The following SVOPL variants were observed in gnomAD, a reference collection of about 807,000 sequenced individuals.
SVOPL encodes putative transporter SVOPL.
Under a neutral mutation model 61.0 loss-of-function variants are expected in SVOPL, and 60 were observed. That is an observed-to-expected ratio of 0.98 (90% CI 0.80 to 1.22). SVOPL has a LOEUF of 1.22. Ranked by LOEUF, SVOPL falls within the 50% of genes most tolerant of loss-of-function variation. The pLI, the probability that SVOPL is intolerant of heterozygous loss-of-function variation, is 0.00. For missense variants in SVOPL, 662 were observed against 643.9 expected (o/e 1.03, Z -0.30); for synonymous variants, 279 against 250.0 (o/e 1.12, Z -1.09).
chr7:138,676,827 AC>A (rs1802572869), intron 3 of SVOPL, among the ~76,000 whole-genome samples: 1 of 151,678 alleles, frequency 6.6e-6, no homozygotes, highest in African/African-American at 2.4e-5. Context: ...ACAAATGCTC[AC>A]TTGCTTTATA....
chr7:138,650,564 C>A (rs536759453), intron 7 of SVOPL, among the ~76,000 whole-genome samples: 3 of 150,134 alleles, frequency 2.0e-5, no homozygotes, highest in Non-Finnish European at 3.0e-5. Context: ...TATCCCAACA[C>A]TTCGGAAGGC....
In SVOPL at chr7:138,632,192, G is replaced by A. The variant is rs535243531; in HGVS notation, c.790-2070C>T. On this transcript the variant is annotated intron_variant, in intron 9 of 15. Transcript: ENST00000674285. ...CATGCCTGTGATCCCAGAACTTTGG[G>A]AGGCTGAGGCTGGCAGATCACCTGA... Among the ~76,000 whole-genome samples, 28 of 152,300 alleles carry A rather than the reference G, an allele frequency of 1.8e-4. No homozygotes were observed. The East Asian group carries it at 5.0e-3, about 27-fold the overall frequency.
intron 3 of SVOPL, among the ~76,000 whole-genome samples, chr7:138,676,035 T>C (rs112543083): frequency 0.014 from 2,166 of 152,082 alleles, 58 homozygotes; most frequent in African/African-American, 0.05. Context: ...AGGGTTTCAC[T>C]ATGTTGGCCA....
In SVOPL at chr7:138,687,314, C is replaced by T. The variant is rs147266966; in HGVS notation, c.-34-8235G>A. On this transcript the variant is annotated intron_variant, in intron 1 of 15. Coordinates refer to ENST00000674285, the MANE Select transcript of SVOPL (RefSeq NM_001139456.2). ...GCAATGGCGTGATCTCGGCTCACCA[C>T]AACCTCCGCCTCCTGAGTTCAAGTG... Among the ~76,000 whole-genome samples, 449 of 138,640 alleles carry T rather than the reference C, an allele frequency of 3.2e-3. 3 individuals are homozygous for T. Among genetic ancestry groups the T allele is most frequent in the African/African-American group, 0.011 (411 of 36,598 alleles). 91.0% of individuals were successfully genotyped at this position (138,640 alleles called of 152,430 possible). A position where few individuals can be genotyped will look rare whatever the true frequency, so the allele number is the denominator to read the frequency against.
intron 15 of SVOPL, 107 bp downstream of exon 15, chr7:138,596,310 T>C: frequency 1.1e-6 from 1 of 898,972 alleles, no homozygotes; most frequent in Non-Finnish European, 1.7e-6. Context: ...AGAAATCTGA[T>C]ATGAATTATT....
chr7:138,615,935 C>CATG (rs1478565186), intron 14 of SVOPL, among the ~76,000 whole-genome samples: 1 of 151,464 alleles, frequency 6.6e-6, no homozygotes, highest in Non-Finnish European at 1.5e-5. Context: ...TAGCTGTCTC[C>CATG]AAGCCGAGAA....
chr7:138,677,155 C>T (rs893819080), intron 3 of SVOPL, among the ~76,000 whole-genome samples: 2 of 152,084 alleles, frequency 1.3e-5, no homozygotes, highest in Admixed American at 6.6e-5. Flanking sequence ...CCGCCCGCCT[C>T]GGCCTCCCAA....
intron 14 of SVOPL, among the ~76,000 whole-genome samples, chr7:138,616,599 G>A (rs577478105): frequency 2.0e-5 from 3 of 152,232 alleles, no homozygotes; most frequent in South Asian, 2.1e-4. Flanking sequence ...GCCGCCCAAA[G>A]TGCTGGGATT....
chr7:138,616,887 A>G (rs1280618575), intron 14 of SVOPL, among the ~76,000 whole-genome samples: 2 of 152,220 alleles, frequency 1.3e-5, no homozygotes, highest in Non-Finnish European at 2.9e-5. Flanking sequence ...CCCAGGCTCA[A>G]CCAAGTCTCA....
At chr7:138,677,329 G>A (rs1388179663) in intron 3 of SVOPL, among the ~76,000 whole-genome samples, 4 of 152,074 alleles carry the variant, frequency 2.6e-5, no homozygotes, top group African/African-American at 9.7e-5. Context: ...TGAGGCCTAA[G>A]CTCTGATTGT....
Position 138,594,586 on chromosome 7 carries a change from T to C in SVOPL, c.*24A>G, listed in dbSNP as rs752459553. The C allele has an allele frequency of 5.0e-6, 8 of 1,594,416 alleles. No individual in the cohort carries two copies. Among genetic ancestry groups the C allele is most frequent in the Admixed American group, 1.8e-5 (1 of 55,976 alleles). On this transcript the variant is annotated 3_prime_UTR_variant, in exon 16 of 16. Coordinates refer to ENST00000674285, the MANE Select transcript of SVOPL (RefSeq NM_001139456.2). ...GAAGATAGAATTCATTTTTCTCATC[T>C]GGTAGACATAGCTTTGCAGGTCTTC...
chr7:138,603,659 G>A lies in SVOPL; in HGVS notation c.1354-7129C>T, dbSNP rs183783495. ...TGCACTTCAGCCTGGGCGACAGAGT[G>A]AGACTCTGTCTAAAAAACAGATTAG... On this transcript the variant is annotated intron_variant, in intron 14 of 15. Transcript: ENST00000674285. Among the ~76,000 whole-genome samples the A allele has an allele frequency of 5.1e-4, 78 of 152,254 alleles. 1 individual carries two copies. Among genetic ancestry groups the A allele is most frequent in the Admixed American group, 1.4e-3 (22 of 15,288 alleles).
intron 3 of SVOPL, among the ~76,000 whole-genome samples, chr7:138,676,372 G>A (rs188313483): frequency 1.3e-5 from 2 of 152,188 alleles, no homozygotes; most frequent in Non-Finnish European, 2.9e-5. Context: ...CAGGTCGGGA[G>A]GCCCAAGATC....
intron 14 of SVOPL, among the ~76,000 whole-genome samples, chr7:138,605,009 A>G (rs1332537192): frequency 6.6e-6 from 1 of 151,920 alleles, no homozygotes; most frequent in African/African-American, 2.4e-5. Context: ...TGAAGCCAGG[A>G]GTTCAAGACT....
chr7:138,651,926 G>T (rs187552616), intron 7 of SVOPL, among the ~76,000 whole-genome samples: 57 of 152,278 alleles, frequency 3.7e-4, no homozygotes, highest in Middle Eastern at 6.8e-3. Flanking sequence ...CCGAGACAGG[G>T]TCTCGCTCTG....
At chr7:138,684,228 G>A (rs369800294) in intron 1 of SVOPL, among the ~76,000 whole-genome samples, 7 of 151,810 alleles carry the variant, frequency 4.6e-5, no homozygotes, top group African/African-American at 1.7e-4. Context: ...AGCAGGGCAC[G>A]ATGGTGGGTG....
At chr7:138,626,847 CAAA>C (rs1367452451) in intron 12 of SVOPL, among the ~76,000 whole-genome samples, 3 of 46,672 alleles carry the variant, frequency 6.4e-5, no homozygotes, top group Non-Finnish European at 1.4e-4. Context: ...GAACCTGTCT[CAAA>C]GAAAAAAAAA....
intron 7 of SVOPL, among the ~76,000 whole-genome samples, chr7:138,651,296 G>C (rs1223445099): frequency 1.3e-5 from 2 of 152,162 alleles, no homozygotes; most frequent in Admixed American, 1.3e-4. Flanking sequence ...ATTGGATGAT[G>C]ATCATCCTGG....
chr7:138,662,770 A>T (rs1055267962), intron 5 of SVOPL: 2 of 1,175,562 alleles, frequency 1.7e-6, no homozygotes, highest in African/African-American at 3.1e-5. Context: ...TAAAAGTTCA[A>T]ATAGAGCCAC....
Sources: allele counts gnomAD v4.1 joint callset (sites outside exome capture counted in the v4.1 genomes callset), GRCh38; gene constraint gnomAD v4.1.1; transcripts MANE v1.5; gene names NCBI Gene and HGNC (gene_info 2026-07-23, HGNC 2026-07-21).